The following SGCZ variants were observed in gnomAD, a reference collection of about 807,000 sequenced individuals.
SGCZ encodes the protein zeta-sarcoglycan.
A neutral mutation model predicts 41.3 loss-of-function variants in SGCZ; 40 were observed. The ratio of observed to expected loss-of-function variants is 0.97; its 90% confidence interval spans 0.75 to 1.26. SGCZ has a LOEUF of 1.26. Ranked by LOEUF, SGCZ falls within the 50% of genes most tolerant of loss-of-function variation. The probability of loss-of-function intolerance (pLI) is 0.00; values close to 1 mark genes in which losing one functional copy is unlikely to be tolerated. For missense variants in SGCZ, 552 were observed against 369.8 expected (o/e 1.49, Z -4.04); for synonymous variants, 206 against 137.5 (o/e 1.50, Z -3.49).
intron 5 of SGCZ, among the ~76,000 whole-genome samples, chr8:14,119,504 C>A (rs529384195): frequency 6.6e-6 from 1 of 152,248 alleles, no homozygotes; most frequent in Admixed American, 6.5e-5. Context: ...ATGACATCTG[C>A]AAACAGAGAC....
intron 3 of SGCZ, among the ~76,000 whole-genome samples, chr8:14,302,324 A>T (rs1370371339): frequency 6.6e-6 from 1 of 152,198 alleles, no homozygotes; most frequent in African/African-American, 2.4e-5. Flanking sequence ...TGACTAATCC[A>T]GGTCACCCTT....
intron 2 of SGCZ, among the ~76,000 whole-genome samples, chr8:14,538,588 G>A (rs1054166663): frequency 1.3e-5 from 2 of 151,936 alleles, no homozygotes; most frequent in African/African-American, 4.8e-5. Flanking sequence ...GAAAGTGTCA[G>A]AGCAAATGTT....
Position 14,132,768 on chromosome 8 carries a change from G to A in SGCZ, c.548-24533C>T, listed in dbSNP as rs144746508. Among the ~76,000 whole-genome samples the A allele has an allele frequency of 5.6e-3, 846 of 152,132 alleles. 6 individuals are homozygous for A. The highest frequency in any genetic ancestry group is 0.019 in the African/African-American group (805 of 41,494). ...ATTGTGACTTTCTGTTGCAAACTGG[G>A]CATTTGAGTATTATAAAGTGGCAAC... is the stretch of plus-strand genomic sequence containing the variant. On this transcript the variant is annotated intron_variant, in intron 5 of 7. Coordinates refer to ENST00000382080, the MANE Select transcript of SGCZ (RefSeq NM_139167.4).
chr8:15,228,525 A>G (rs1801845636), intron 1 of SGCZ, among the ~76,000 whole-genome samples: 1 of 152,200 alleles, frequency 6.6e-6, no homozygotes, highest in Non-Finnish European at 1.5e-5. Context: ...TAGATTTGAA[A>G]ACTTTAAACA....
At chr8:15,127,660 T>C (rs530996052) in intron 1 of SGCZ, among the ~76,000 whole-genome samples, 156 of 152,342 alleles carry the variant, frequency 1.0e-3, no homozygotes, top group African/African-American at 3.5e-3. Flanking sequence ...TTTTCAATTT[T>C]AAAGTAACTT....
At chr8:15,230,565 A>C (rs1205264673) in intron 1 of SGCZ, among the ~76,000 whole-genome samples, 1 of 152,254 alleles carries the variant, frequency 6.6e-6, no homozygotes, top group African/African-American at 2.4e-5. Flanking sequence ...TATATAAACT[A>C]TATCAATGTG....
intron 1 of SGCZ, among the ~76,000 whole-genome samples, chr8:15,153,709 C>T (rs371565986): frequency 5.3e-5 from 8 of 152,244 alleles, no homozygotes; most frequent in African/African-American, 1.9e-4. Flanking sequence ...GAAGTGCCTG[C>T]CCCTACCGTG....
intron 4 of SGCZ, among the ~76,000 whole-genome samples, chr8:14,207,555 T>A (rs1424708957): frequency 1.3e-5 from 2 of 152,178 alleles, no homozygotes; most frequent in Non-Finnish European, 2.9e-5. Flanking sequence ...AGCTTAAATA[T>A]CTTTTTTGTA....
chr8:15,211,644 A>G (rs1199817197), intron 1 of SGCZ, among the ~76,000 whole-genome samples: 3 of 152,224 alleles, frequency 2.0e-5, no homozygotes, highest in Non-Finnish European at 2.9e-5. Flanking sequence ...ACCTTCTTCT[A>G]TGTGATCATC....
chr8:14,538,828 A>T (rs1803373105), intron 2 of SGCZ, among the ~76,000 whole-genome samples: 1 of 151,794 alleles, frequency 6.6e-6, no homozygotes, highest in Admixed American at 6.6e-5. Flanking sequence ...TCTTACATAT[A>T]TTTTAAGATA....
intron 2 of SGCZ, among the ~76,000 whole-genome samples, chr8:14,495,876 G>C (rs1039752346): frequency 6.6e-6 from 1 of 152,134 alleles, no homozygotes; most frequent in African/African-American, 2.4e-5. Flanking sequence ...CTTCCTGGGT[G>C]ATCACAGGCC....
intron 3 of SGCZ, among the ~76,000 whole-genome samples, chr8:14,266,706 G>C (rs1022690520): frequency 3.3e-5 from 5 of 152,090 alleles, no homozygotes; most frequent in Non-Finnish European, 4.4e-5. Flanking sequence ...CAAAGATAAG[G>C]AGTCACTGAG....
At chr8:14,787,952 G>T (rs1263749362) in intron 1 of SGCZ, among the ~76,000 whole-genome samples, 1 of 152,132 alleles carries the variant, frequency 6.6e-6, no homozygotes, top group African/African-American at 2.4e-5. Flanking sequence ...ATCCCTAGTT[G>T]CCATTTAGTT....
intron 5 of SGCZ, among the ~76,000 whole-genome samples, chr8:14,125,503 C>CAA (rs35509746): frequency 0.01 from 1,197 of 118,390 alleles, 27 homozygotes; most frequent in African/African-American, 0.031. Flanking sequence ...GATTCCGTCT[C>CAA]AAAAAAAAAA....
chr8:14,301,287 A>G (rs890305536), intron 3 of SGCZ, among the ~76,000 whole-genome samples: 6 of 151,988 alleles, frequency 3.9e-5, no homozygotes, highest in Non-Finnish European at 8.8e-5. Context: ...CCTCTTCTTC[A>G]TGGAGCTGAT....
intron 1 of SGCZ, among the ~76,000 whole-genome samples, chr8:14,989,899 G>C (rs1402556271): frequency 6.6e-6 from 1 of 152,244 alleles, no homozygotes; most frequent in African/African-American, 2.4e-5. Context: ...GTGTGGTACA[G>C]AGACAAGTGA....
chr8:14,768,837 A>C (rs1413996185), intron 1 of SGCZ, among the ~76,000 whole-genome samples: 2 of 152,028 alleles, frequency 1.3e-5, no homozygotes, highest in African/African-American at 4.8e-5. Context: ...CATGGTACCC[A>C]GTAAGTCAGT....
At chr8:14,284,587 T>G (rs1000120119) in intron 3 of SGCZ, among the ~76,000 whole-genome samples, 1 of 152,230 alleles carries the variant, frequency 6.6e-6, no homozygotes. Flanking sequence ...TAATTGGAGC[T>G]TTAATTCAAT....
At chr8:14,460,134 G>A (rs1800860621) in intron 2 of SGCZ, among the ~76,000 whole-genome samples, 1 of 152,138 alleles carries the variant, frequency 6.6e-6, no homozygotes, top group Admixed American at 6.5e-5. Flanking sequence ...GGAGCAGCTA[G>A]GTGAAGTGTA....
Sources: gnomAD v4.1 joint callset for allele counts (sites outside exome capture counted in the v4.1 genomes callset) on GRCh38, gnomAD v4.1.1 for gene constraint, MANE v1.5 for transcripts, NCBI Gene and HGNC (gene_info 2026-07-23, HGNC 2026-07-21) for gene names.